Variants in RDH5 observed in about 807,000 individuals in gnomAD.
RDH5 encodes retinol dehydrogenase 5.
RDH5 carries 25 observed loss-of-function variants against 24.0 expected under a neutral mutation model. The observed-to-expected ratio is 1.04, with a 90% CI of 0.76 to 1.46. The LOEUF is 1.46. Ranked by LOEUF, RDH5 falls within the 40% of genes most tolerant of loss-of-function variation. The pLI, the probability that RDH5 is intolerant of heterozygous loss-of-function variation, is 0.00. For synonymous variants in RDH5, 170 were observed against 175.2 expected (o/e 0.97, Z 0.23); for missense variants, 369 against 410.3 (o/e 0.90, Z 0.87).
intron 3 of RDH5, chr12:55,722,230 A>G (rs562869394): frequency 7.0e-5 from 24 of 341,180 alleles, no homozygotes; most frequent in East Asian, 4.2e-4. Context: ...GCTCACCACA[A>G]TTTCCACCCC....
At chr12:55,722,155 G>T (rs1424568271) in intron 3 of RDH5, 12 of 585,228 alleles carry the variant, frequency 2.1e-5, no homozygotes, top group East Asian at 5.9e-5. Flanking sequence ...TAACGTGTTT[G>T]TTTTTTGTTT....
chr12:55,722,235 C>T (rs1315946314), intron 3 of RDH5: 5 of 337,780 alleles, frequency 1.5e-5, no homozygotes, highest in Non-Finnish European at 2.7e-5. Flanking sequence ...CCACAATTTC[C>T]ACCCCCGGGG....
intron 4 of RDH5, 63 bp from the exon 5 acceptor site, chr12:55,724,259 C>T: frequency 6.3e-7 from 1 of 1,584,498 alleles, no homozygotes; most frequent in Non-Finnish European, 8.7e-7. Flanking sequence ...CCCCAGAAGA[C>T]AGTACCTAAG....
chr12:55,723,583 C>A, intron 3 of RDH5: 1 of 373,142 alleles, frequency 2.7e-6, no homozygotes, highest in East Asian at 6.4e-5. Context: ...ACATTGTAAA[C>A]TGTTATATAA....
At chr12:55,720,751 C>T (rs894379398) in intron 1 of RDH5, 1 of 208,148 alleles carries the variant, frequency 4.8e-6, no homozygotes, top group African/African-American at 2.3e-5. Flanking sequence ...CCCTATACAT[C>T]ATTCCAAACA....
rs770198645 is a variant in RDH5 at position 55,724,088 on chromosome 12, A to G, written c.733+39A>G. The stretch of plus-strand genomic sequence containing the variant: ...CCCACACAGGGGCACATGAAGGGAA[A>G]CAAGTACCAGAAAGGCCAGTCCTGC... On this transcript the variant is annotated intron_variant, in intron 4 of 4. Transcript: ENST00000257895. The G allele has an allele frequency of 4.4e-6, 7 of 1,596,044 alleles. No individual in the cohort carries two copies. The South Asian group carries it at 5.5e-5, about 13-fold the overall frequency.
intron 3 of RDH5, 200 bp downstream of exon 3, chr12:55,722,147 A>T: frequency 1.6e-6 from 1 of 606,784 alleles, no homozygotes; most frequent in Non-Finnish European, 2.8e-6. Context: ...CCCATTTTTA[A>T]CGTGTTTGTT....
In RDH5 at chr12:55,721,308, C is replaced by T. The variant is rs1404823974; in HGVS notation, c.124C>T (p.Arg42Cys). 6.8e-6 allele frequency: 11 copies of T among 1,613,946 alleles called. No homozygotes were observed. Among genetic ancestry groups the T allele is most frequent in the East Asian group, 2.2e-5 (1 of 44,898 alleles). The part of the protein sequence containing the change: ...FITGCDSGFG[R>C]LLALQLDQRG... ...CACCGGCTGTGACTCAGGCTTTGGG[C>T]GCCTTCTGGCACTGCAGCTGGACCA... The change falls in exon 2 of 5, where the codon CGC becomes TGC. Residue 42 changes from arginine to cysteine, a missense_variant. Arg to Cys is a radical substitution (Grantham distance 180). Coordinates refer to ENST00000257895, the MANE Select transcript of RDH5 (RefSeq NM_002905.5). This position sits in a 1 kb window ranked among gnomAD's most constrained non-coding sequence, Gnocchi z 4.7.
At position 55,723,872 on chromosome 12, in the gene RDH5, T is replaced by C. The variant is rs367574522; in HGVS notation, c.570-14T>C. 31 of 1,612,910 alleles carry C rather than the reference T, an allele frequency of 1.9e-5. No homozygotes were observed. Among genetic ancestry groups the C allele is most frequent in the Non-Finnish European group, 2.5e-5 (29 of 1,180,012 alleles). ...GGGCAAGAACCCAGCAACTTCGCTC[T>C]GCCCCGACTCTAGGCGGGATGTAGC... is the stretch of plus-strand genomic sequence containing the variant. On this transcript the variant is annotated splice_polypyrimidine_tract_variant and intron_variant, in intron 3 of 4. Transcript: ENST00000257895.
intron 3 of RDH5, chr12:55,722,196 C>CTGGA: frequency 2.1e-6 from 1 of 469,690 alleles, no homozygotes; most frequent in East Asian, 3.9e-5. Context: ...TGTCGCCAGG[C>CTGGA]TGGAGTGCAG....
In RDH5 at chr12:55,721,163, G is replaced by C. The variant is rs1565653992; in HGVS notation, c.-22G>C. On this transcript the variant is annotated 5_prime_UTR_variant, in exon 2 of 5. Transcript: ENST00000257895. This position sits in a 1 kb window ranked among gnomAD's most constrained non-coding sequence, Gnocchi z 4.7. ...TTCTGCCCAGCCTAGGCTGCCACCTGTAGGTCACTTGGGCTCCAGCTATGT... is the reference window on the plus strand; with the variant it reads ...TTCTGCCCAGCCTAGGCTGCCACCTCTAGGTCACTTGGGCTCCAGCTATGT... The C allele has an allele frequency of 6.2e-7, 1 of 1,613,034 alleles. No homozygotes were observed. Among genetic ancestry groups the C allele is most frequent in the East Asian group, 2.2e-5 (1 of 44,888 alleles).
chr12:55,721,770 G>C lies in RDH5; in HGVS notation c.392G>C (p.Arg131Pro), dbSNP rs767968568. Residue 131 changes from arginine (R) to proline (P), a missense_variant, in exon 3 of 5, where the codon CGG becomes CCG. Coordinates refer to ENST00000257895, the MANE Select transcript of RDH5 (RefSeq NM_002905.5). The surrounding 1 kb of genome is among the most constrained non-coding windows in gnomAD (Gnocchi z 4.7). ...TPWLTRDDFQ[R>P]VLNVNTMGPI... ...TGGCTGACCCGGGACGATTTCCAGC[G>C]GGTGCTGAATGTGAACACAATGGGT... 5 of 1,613,800 alleles carry C rather than the reference G, an allele frequency of 3.1e-6. No individual in the cohort carries two copies. The highest frequency in any genetic ancestry group is 3.4e-6 in the Non-Finnish European group (4 of 1,180,024).
At position 55,724,032 on chromosome 12, in the gene RDH5, G is replaced by A. The variant is rs1877069897; in HGVS notation, c.716G>A (p.Gly239Glu). ...LPPATQAHYG[G>E]AFLTKYLKMQ... ...CCTGCCACACAGGCCCACTATGGGG[G>A]GGCCTTCCTCACCAAGTGTGAGTAG... The change falls in exon 4 of 5, where the codon GGG becomes GAG. Residue 239 changes from glycine (G) to glutamate (E), a missense_variant. Gly to Glu is a moderately conservative substitution (Grantham distance 98). Coordinates refer to ENST00000257895, the MANE Select transcript of RDH5 (RefSeq NM_002905.5). The A allele has an allele frequency of 3.1e-6, 5 of 1,611,242 alleles. No homozygotes were observed. Among genetic ancestry groups the A allele is most frequent in the Non-Finnish European group, 4.2e-6 (5 of 1,179,842 alleles).
chr12:55,720,631 T>G (rs2136138073), intron 1 of RDH5, 114 bp downstream of exon 1: 1 of 154,854 alleles, frequency 6.5e-6, no homozygotes, highest in Middle Eastern at 3.4e-3. Flanking sequence ...TCCCCTTTGA[T>G]CCTCCACAAC....
chr12:55,723,018 C>A (rs1876999099), intron 3 of RDH5: 1 of 152,132 alleles, frequency 6.6e-6, no homozygotes, highest in East Asian at 1.9e-4. Context: ...CTTGCTCTCA[C>A]CCAGGGTGGA....
At position 55,724,490 on chromosome 12, in the gene RDH5, T is replaced by A. The variant is rs1877108042; in HGVS notation, c.902T>A (p.Leu301Gln). The change falls in exon 5 of 5, where the codon CTG (leucine) becomes CAG (glutamine). Residue 301 changes from leucine (L) to glutamine (Q), a missense_variant. By Grantham distance (113) the Leu-to-Gln change is moderately radical. Coordinates refer to ENST00000257895, the MANE Select transcript of RDH5 (RefSeq NM_002905.5). ...CCTGCCTCCTACCTGCCAGCCAGCC[T>A]GGTGGATGCTGTGCTCACCTGGGTC... ...WLPASYLPAS[L>Q]VDAVLTWVLP... 6.2e-7 allele frequency: 1 copy of A among 1,613,548 alleles called. No homozygotes were observed. The highest frequency in any genetic ancestry group is 1.1e-5 in the South Asian group (1 of 91,088).
In RDH5 at chr12:55,721,298, A is replaced by C; in HGVS notation, c.114A>C (p.Ser38=). Residue 38 remains serine, a synonymous_variant, in exon 2 of 5, where the codon TCA becomes TCC. Coordinates refer to ENST00000257895, the MANE Select transcript of RDH5 (RefSeq NM_002905.5). This position sits in a 1 kb window ranked among gnomAD's most constrained non-coding sequence, Gnocchi z 4.7. ...TTGTCTTCATCACCGGCTGTGACTC[A>C]GGCTTTGGGCGCCTTCTGGCACTGC... ...NAFVFITGCD[S]GFGRLLALQL... 6.2e-7 allele frequency: 1 copy of C among 1,614,098 alleles called. No individual in the cohort carries two copies. The highest frequency in any genetic ancestry group is 8.5e-7 in the Non-Finnish European group (1 of 1,180,028).
At position 55,721,654 on chromosome 12, in the gene RDH5, C is replaced by G. The variant is rs775619322; in HGVS notation, c.311-35C>G. 1.2e-6 allele frequency: 2 copies of G among 1,603,902 alleles called. No individual in the cohort carries two copies. The highest frequency in any genetic ancestry group is 2.7e-5 in the African/African-American group (2 of 74,912). ...AGAAGAGGGAGCTGTGGGAGTGCCT[C>G]ACCTACCCCCAGCATCCTTTTCATC... On this transcript the variant is annotated intron_variant, in intron 2 of 4. Coordinates refer to ENST00000257895, the MANE Select transcript of RDH5 (RefSeq NM_002905.5). The surrounding 1 kb of genome is among the most constrained non-coding windows in gnomAD (Gnocchi z 4.7).
Position 55,721,641 on chromosome 12 carries a change from T to C in RDH5, c.311-48T>C. On this transcript the variant is annotated intron_variant, in intron 2 of 4. Transcript: ENST00000257895. The surrounding 1 kb of genome is among the most constrained non-coding windows in gnomAD (Gnocchi z 4.7). ...GATGCTCCCAGGAAGAAGAGGGAGCTGTGGGAGTGCCTCACCTACCCCCAG... is the reference window on the plus strand; with the variant it reads ...GATGCTCCCAGGAAGAAGAGGGAGCCGTGGGAGTGCCTCACCTACCCCCAG... 6.2e-7 allele frequency: 1 copy of C among 1,602,170 alleles called. No homozygotes were observed. The highest frequency in any genetic ancestry group is 8.5e-7 in the Non-Finnish European group (1 of 1,179,518).
Sources: gnomAD v4.1 joint callset for allele counts on GRCh38, gnomAD v4.1.1 for gene constraint, Gnocchi (gnomAD v3.1) non-coding constraint, MANE v1.5 for transcripts, NCBI Gene and HGNC (gene_info 2026-07-23, HGNC 2026-07-21) for gene names.